Variants in STPG2 observed in about 807,000 individuals in gnomAD.
STPG2 encodes sperm tail PG-rich repeat containing 2.
Under a neutral mutation model 54.2 loss-of-function variants are expected in STPG2, and 56 were observed. The observed-to-expected ratio is 1.03, with a 90% CI of 0.83 to 1.29. The LOEUF (loss-of-function observed/expected upper bound fraction) is 1.29. STPG2 is among the 50% of genes most tolerant of loss of function. The pLI is 0.00. For synonymous variants in STPG2, 200 were observed against 181.8 expected (o/e 1.10, Z -0.81); for missense variants, 596 against 544.9 (o/e 1.09, Z -0.93).
intron 5 of STPG2, among the ~76,000 whole-genome samples, chr4:98,096,607 G>T (rs1738866891): frequency 6.6e-6 from 1 of 151,692 alleles, no homozygotes; most frequent in African/African-American, 2.4e-5. Flanking sequence ...TAAAAGAAAA[G>T]AAATAATAAA....
intron 8 of STPG2, among the ~76,000 whole-genome samples, chr4:97,849,630 C>G (rs1409473188): frequency 6.6e-6 from 1 of 152,156 alleles, no homozygotes; most frequent in Non-Finnish European, 1.5e-5. Context: ...AGACACTTCT[C>G]AAAGGTAGAC....
At chr4:97,938,301 G>A (rs1366885060) in intron 8 of STPG2, among the ~76,000 whole-genome samples, 2 of 152,234 alleles carry the variant, frequency 1.3e-5, no homozygotes, top group Non-Finnish European at 2.9e-5. Context: ...ACCCCCAAGA[G>A]TCCGGTGTCT....
At chr4:97,464,534 A>G (rs1013959344) in intron 4 of STPG2, among the ~76,000 whole-genome samples, 4 of 152,106 alleles carry the variant, frequency 2.6e-5, no homozygotes, top group African/African-American at 7.2e-5. Context: ...CTCCTGCCTC[A>G]GCCTCCCAAG....
chr4:97,911,824 C>A (rs1337681928), intron 8 of STPG2, among the ~76,000 whole-genome samples: 1 of 152,068 alleles, frequency 6.6e-6, no homozygotes, highest in Non-Finnish European at 1.5e-5. Context: ...GCGGAGTCAC[C>A]CCACCAAGAG....
chr4:97,721,525 T>C (rs1300325692), intron 9 of STPG2, among the ~76,000 whole-genome samples: 1 of 152,076 alleles, frequency 6.6e-6, no homozygotes, highest in East Asian at 1.9e-4. Context: ...CATTGTTAGT[T>C]GAAATAAAAG....
At chr4:97,900,991 G>A (rs923431410) in intron 8 of STPG2, among the ~76,000 whole-genome samples, 2 of 151,684 alleles carry the variant, frequency 1.3e-5, no homozygotes, top group African/African-American at 4.8e-5. Flanking sequence ...TTTTGATTTT[G>A]CAAATCAGGC....
At chr4:97,920,692 T>A (rs536037434) in intron 8 of STPG2, among the ~76,000 whole-genome samples, 1 of 152,238 alleles carries the variant, frequency 6.6e-6, no homozygotes, top group Non-Finnish European at 1.5e-5. Context: ...GCTGACAACC[T>A]GGCTGAGAGT....
chr4:97,922,178 T>C (rs1732134486), intron 8 of STPG2, among the ~76,000 whole-genome samples: 1 of 152,194 alleles, frequency 6.6e-6, no homozygotes, highest in Non-Finnish European at 1.5e-5. Flanking sequence ...CACAAAAATG[T>C]ATTTGTGGTG....
intron 6 of STPG2, among the ~76,000 whole-genome samples, chr4:97,978,059 T>A (rs1438039071): frequency 6.6e-6 from 1 of 152,176 alleles, no homozygotes; most frequent in Non-Finnish European, 1.5e-5. Context: ...AAAGTGCCAA[T>A]AGTTCCTTTC....
chr4:97,872,406 A>G (rs1174259157), intron 8 of STPG2, among the ~76,000 whole-genome samples: 1 of 151,276 alleles, frequency 6.6e-6, no homozygotes, highest in African/African-American at 2.4e-5. Context: ...GTGATAATAA[A>G]ATAATTTAGT....
At chr4:97,546,333 A>G (rs1578378658) in intron 4 of STPG2, among the ~76,000 whole-genome samples, 3 of 152,182 alleles carry the variant, frequency 2.0e-5, no homozygotes, top group East Asian at 3.9e-4. Flanking sequence ...CAATTATATT[A>G]GAAAGTAGAC....
At chr4:98,039,541 T>C (rs1031652258) in intron 5 of STPG2, among the ~76,000 whole-genome samples, 3 of 150,350 alleles carry the variant, frequency 2.0e-5, no homozygotes, top group African/African-American at 4.9e-5. Context: ...TACACAAAAG[T>C]GGAGGGTGGA....
At chr4:97,801,997 T>A (rs1027441814) in intron 9 of STPG2, among the ~76,000 whole-genome samples, 1 of 152,208 alleles carries the variant, frequency 6.6e-6, no homozygotes, top group Non-Finnish European at 1.5e-5. Context: ...GAGGACTTGT[T>A]ACAACAGAGG....
intron 4 of STPG2, among the ~76,000 whole-genome samples, chr4:97,510,453 C>T (rs78272027): frequency 0.032 from 4,856 of 152,172 alleles, 161 homozygotes; most frequent in Middle Eastern, 0.1. Flanking sequence ...GTGTAGATAA[C>T]TGCAAATCAT....
At chr4:97,764,027 A>G (rs978772069) in intron 9 of STPG2, among the ~76,000 whole-genome samples, 1 of 151,118 alleles carries the variant, frequency 6.6e-6, no homozygotes. Context: ...TTTTTTAGTT[A>G]TTTGAATTCC....
intron 9 of STPG2, among the ~76,000 whole-genome samples, chr4:97,751,509 T>C (rs1429952221): frequency 6.6e-6 from 1 of 151,796 alleles, no homozygotes; most frequent in Non-Finnish European, 1.5e-5. Flanking sequence ...ACATGCAATA[T>C]AAGGGGGAGA....
chr4:97,795,413 T>C (rs1428360745), intron 9 of STPG2, among the ~76,000 whole-genome samples: 1 of 152,210 alleles, frequency 6.6e-6, no homozygotes, highest in Non-Finnish European at 1.5e-5. Flanking sequence ...GTTCTCATTG[T>C]TCAATTCCCA....
chr4:97,813,936 T>G (rs1321387134), intron 9 of STPG2, among the ~76,000 whole-genome samples: 3 of 152,026 alleles, frequency 2.0e-5, no homozygotes, highest in Non-Finnish European at 4.4e-5. Context: ...ACAATTAGAA[T>G]GCATTCTGTT....
At chr4:97,787,820 T>G (rs1403565944) in intron 9 of STPG2, among the ~76,000 whole-genome samples, 1 of 151,832 alleles carries the variant, frequency 6.6e-6, no homozygotes. Flanking sequence ...GATAGCTCAG[T>G]AACTTATGTA....
Sources: allele counts gnomAD v4.1 joint callset (sites outside exome capture counted in the v4.1 genomes callset), GRCh38; gene constraint gnomAD v4.1.1; transcripts MANE v1.5; gene names NCBI Gene and HGNC (gene_info 2026-07-23, HGNC 2026-07-21).